The following CAMK4 variants were observed in gnomAD, a reference collection of about 807,000 sequenced individuals.
CAMK4 encodes calcium/calmodulin-dependent protein kinase type IV.
A neutral mutation model predicts 44.9 loss-of-function variants in CAMK4; 22 were observed. That is an observed-to-expected ratio of 0.49 (90% CI 0.35 to 0.70). The LOEUF is 0.70. Among genes scored for constraint, CAMK4 ranks in the 30% least tolerant of loss-of-function variants. The probability of loss-of-function intolerance (pLI) is 0.01; values close to 1 mark genes in which losing one functional copy is unlikely to be tolerated. For missense variants in CAMK4, 498 were observed against 586.8 expected, an observed-to-expected ratio of 0.85 and a Z score of 1.56; for synonymous variants, 218 against 215.4, an observed-to-expected ratio of 1.01 and a Z score of -0.11.
intron 2 of CAMK4, among the ~76,000 whole-genome samples, chr5:111,369,067 T>TCA (rs1365577565): frequency 6.9e-6 from 1 of 145,410 alleles, no homozygotes; most frequent in Non-Finnish European, 1.5e-5. Context: ...ATAATAATAA[T>TCA]TATTATTATT....
intron 8 of CAMK4, among the ~76,000 whole-genome samples, chr5:111,475,112 G>A (rs1755191522): frequency 6.6e-6 from 1 of 152,130 alleles, no homozygotes; most frequent in Admixed American, 6.5e-5. Context: ...GCAGTGAGCT[G>A]AGATCTTGCC....
At chr5:111,323,062 T>G (rs540627844) in intron 1 of CAMK4, among the ~76,000 whole-genome samples, 6 of 151,370 alleles carry the variant, frequency 4.0e-5, no homozygotes, top group African/African-American at 1.5e-4. Flanking sequence ...GAGTGGAGAG[T>G]GATAAATGGG....
chr5:111,234,426 G>A (rs1455896865), intron 1 of CAMK4, among the ~76,000 whole-genome samples: 3 of 152,222 alleles, frequency 2.0e-5, no homozygotes, highest in East Asian at 3.9e-4. Flanking sequence ...TCAAGCAGAG[G>A]GTGAACTTAA....
intron 7 of CAMK4, among the ~76,000 whole-genome samples, chr5:111,452,513 C>G (rs1279942238): frequency 6.6e-6 from 1 of 151,254 alleles, no homozygotes; most frequent in Non-Finnish European, 1.5e-5. Context: ...TGTAAATGCT[C>G]TTTTCTACCA....
intron 2 of CAMK4, among the ~76,000 whole-genome samples, chr5:111,360,433 C>A (rs768073749): frequency 1.3e-5 from 2 of 152,094 alleles, no homozygotes; most frequent in Non-Finnish European, 2.9e-5. Context: ...CATGTGCTCA[C>A]TGGCTCTATG....
rs146837008 is a variant in CAMK4, at chr5:111,386,785, C to T, written c.387-7925C>T. On this transcript the variant is annotated intron_variant, in intron 4 of 10. Transcript: ENST00000282356. ...TGTAAGAGAGCCTGTTGAAGCCAGA[C>T]GCTTTCAGTGGAGGAGCTTGGGGAA... Among the ~76,000 whole-genome samples the T allele has an allele frequency of 3.9e-5, 6 of 152,356 alleles. No homozygotes were observed. In the East Asian group the frequency reaches 7.7e-4, roughly 20 times the overall value.
chr5:111,299,238 A>G (rs1359167382), intron 1 of CAMK4, among the ~76,000 whole-genome samples: 1 of 152,238 alleles, frequency 6.6e-6, no homozygotes, highest in African/African-American at 2.4e-5. Context: ...TTATGTAACC[A>G]TGTCACATGA....
chr5:111,239,161 G>A (rs1239306021), intron 1 of CAMK4, among the ~76,000 whole-genome samples: 2 of 152,070 alleles, frequency 1.3e-5, no homozygotes, highest in Non-Finnish European at 2.9e-5. Context: ...TCACTTTGGG[G>A]ACCTCTCTCA....
At chr5:111,299,398 AGT>A (rs1471246749) in intron 1 of CAMK4, among the ~76,000 whole-genome samples, 3 of 152,142 alleles carry the variant, frequency 2.0e-5, no homozygotes, top group Non-Finnish European at 2.9e-5. Flanking sequence ...TGATTCCTCG[AGT>A]GTTTTCCCAG....
chr5:111,469,264 C>A (rs2112481242), intron 7 of CAMK4, among the ~76,000 whole-genome samples: 1 of 140,964 alleles, frequency 7.1e-6, no homozygotes, highest in Admixed American at 7.1e-5. Flanking sequence ...TTTGTTTCAC[C>A]CCATTTTTTT....
intron 1 of CAMK4, among the ~76,000 whole-genome samples, chr5:111,247,056 A>G (rs779138400): frequency 8.5e-5 from 13 of 152,072 alleles, no homozygotes; most frequent in Admixed American, 2.0e-4. Flanking sequence ...GTTCCTCGGG[A>G]TGTTTTATCA....
chr5:111,279,340 C>G (rs1381809430), intron 1 of CAMK4, among the ~76,000 whole-genome samples: 1 of 152,120 alleles, frequency 6.6e-6, no homozygotes, highest in Admixed American at 6.5e-5. Flanking sequence ...AGGATGAGCT[C>G]TGTCATCATA....
chr5:111,380,731 G>C (rs17313250), intron 4 of CAMK4, among the ~76,000 whole-genome samples: 2 of 152,128 alleles, frequency 1.3e-5, no homozygotes, highest in Non-Finnish European at 2.9e-5. Context: ...GTTTAGGCTT[G>C]TTCCAATGCC....
At chr5:111,358,731 C>T (rs1302791369) in intron 2 of CAMK4, among the ~76,000 whole-genome samples, 3 of 151,978 alleles carry the variant, frequency 2.0e-5, no homozygotes, top group Admixed American at 1.3e-4. Flanking sequence ...CACCCTTCAC[C>T]TCCAGGTAGG....
At chr5:111,420,773 C>G (rs1752996918) in intron 5 of CAMK4, among the ~76,000 whole-genome samples, 1 of 152,218 alleles carries the variant, frequency 6.6e-6, no homozygotes, top group Admixed American at 6.5e-5. Flanking sequence ...AAATATGGCT[C>G]TGTTCCGCCC....
At position 111,342,353 on chromosome 5, in the gene CAMK4, C is replaced by A. The variant is rs147580579; in HGVS notation, c.162-1671C>A. Among the ~76,000 whole-genome samples the A allele has an allele frequency of 9.6e-4, 146 of 151,508 alleles. No individual in the cohort carries two copies. The Middle Eastern group carries it at 0.014, about 14-fold the overall frequency. On this transcript the variant is annotated intron_variant, in intron 1 of 10. Coordinates refer to ENST00000282356, the MANE Select transcript of CAMK4 (RefSeq NM_001744.6). ...ATTATGTTGTTTTGCATAGTTGACG[C>A]CTTCGTAATTAATGTCCCCCTTTAT...
intron 5 of CAMK4, among the ~76,000 whole-genome samples, chr5:111,417,480 T>C (rs1053839921): frequency 1.5e-4 from 23 of 151,852 alleles, no homozygotes; most frequent in Admixed American, 4.6e-4. Flanking sequence ...CCTCCCAAAG[T>C]GCTGGGATTA....
At chr5:111,310,897 G>A (rs1279219205) in intron 1 of CAMK4, among the ~76,000 whole-genome samples, 1 of 152,032 alleles carries the variant, frequency 6.6e-6, no homozygotes, top group East Asian at 1.9e-4. Context: ...AGTCGCTTTA[G>A]CTGTGTTCAT....
intron 1 of CAMK4, among the ~76,000 whole-genome samples, chr5:111,334,624 C>A (rs1440389526): frequency 5.3e-5 from 8 of 151,422 alleles, no homozygotes; most frequent in Admixed American, 3.3e-4. Context: ...TAAATAATAG[C>A]AAGTCAATCA....
Sources: allele counts gnomAD v4.1 joint callset (sites outside exome capture counted in the v4.1 genomes callset), GRCh38; gene constraint gnomAD v4.1.1; transcripts MANE v1.5; gene names NCBI Gene and HGNC (gene_info 2026-07-23, HGNC 2026-07-21).